PDSS2: variants seen among roughly 807,000 people sequenced by gnomAD.
PDSS2 encodes the protein decaprenyl diphosphate synthase subunit 2, also known as all trans-polyprenyl-diphosphate synthase PDSS2.
Under a neutral mutation model 44.5 loss-of-function variants are expected in PDSS2, and 31 were observed. The observed-to-expected ratio is 0.70, with a 90% CI of 0.52 to 0.94. The LOEUF (loss-of-function observed/expected upper bound fraction) is 0.94, where lower values mean the gene tolerates loss of function less well. PDSS2 is among the 40% of genes least tolerant of loss of function. The probability of loss-of-function intolerance (pLI) is 0.00; values close to 1 mark genes in which losing one functional copy is unlikely to be tolerated. For synonymous variants in PDSS2, 157 were observed against 180.3 expected, an observed-to-expected ratio of 0.87 and a Z score of 1.03; for missense variants, 452 against 482.2, an observed-to-expected ratio of 0.94 and a Z score of 0.59.
chr6:107,267,010 T>C (rs1775431284), intron 3 of PDSS2, among the ~76,000 whole-genome samples: 1 of 152,248 alleles, frequency 6.6e-6, no homozygotes, highest in African/African-American at 2.4e-5. Context: ...AAACAAGTGA[T>C]TATTTGTTTG....
intron 1 of PDSS2, among the ~76,000 whole-genome samples, chr6:107,343,094 G>C (rs73762208): frequency 0.011 from 1,721 of 152,286 alleles, 30 homozygotes; most frequent in African/African-American, 0.037. Context: ...GGGAAAGTGA[G>C]CCACCACACC....
chr6:107,390,330 G>C (rs1369276653), intron 1 of PDSS2, among the ~76,000 whole-genome samples: 3 of 152,014 alleles, frequency 2.0e-5, no homozygotes, highest in African/African-American at 7.2e-5. Flanking sequence ...TATGTGAAAA[G>C]AAGGGCAATT....
intron 4 of PDSS2, among the ~76,000 whole-genome samples, chr6:107,226,016 A>C (rs1490409471): frequency 6.6e-6 from 1 of 152,152 alleles, no homozygotes; most frequent in Non-Finnish European, 1.5e-5. Context: ...CGCACAAAGA[A>C]ATATAATTAT....
chr6:107,282,454 G>A lies in PDSS2; in HGVS notation c.432-8227C>T, dbSNP rs144988840. Among the ~76,000 whole-genome samples, 408 of 152,080 alleles carry A rather than the reference G, an allele frequency of 2.7e-3. 2 individuals carry two copies. Among genetic ancestry groups the A allele is most frequent in the African/African-American group, 8.7e-3 (359 of 41,492 alleles). On this transcript the variant is annotated intron_variant, in intron 2 of 7. Coordinates refer to ENST00000369037, the MANE Select transcript of PDSS2 (RefSeq NM_020381.4). The stretch of plus-strand genomic sequence containing the variant: ...GTAGCCCAGGCTGGAGTACAGTGGC[G>A]TGACCATGGCTCACTGTAACCTCAA...
intron 1 of PDSS2, among the ~76,000 whole-genome samples, chr6:107,372,270 G>C (rs1779148527): frequency 6.6e-6 from 1 of 151,308 alleles, no homozygotes; most frequent in Non-Finnish European, 1.5e-5. Flanking sequence ...TCTCACTGTT[G>C]TACACCGGTA....
intron 1 of PDSS2, among the ~76,000 whole-genome samples, chr6:107,344,296 A>G (rs1778171598): frequency 6.6e-6 from 1 of 152,226 alleles, no homozygotes; most frequent in Non-Finnish European, 1.5e-5. Context: ...GTAATTTTAG[A>G]GAGACTAAAA....
intron 1 of PDSS2, among the ~76,000 whole-genome samples, chr6:107,416,287 T>C (rs1178499422): frequency 6.6e-6 from 1 of 151,858 alleles, no homozygotes; most frequent in Non-Finnish European, 1.5e-5. Context: ...CCAGAGAAGA[T>C]GGGAAACAAA....
chr6:107,240,759 G>T (rs1421650832), intron 4 of PDSS2, among the ~76,000 whole-genome samples: 1 of 151,850 alleles, frequency 6.6e-6, no homozygotes, highest in Non-Finnish European at 1.5e-5. Flanking sequence ...TATTTCAAAT[G>T]CTTCTTTCTT....
At chr6:107,182,893 A>T (rs1360424614) in intron 7 of PDSS2, among the ~76,000 whole-genome samples, 1 of 152,148 alleles carries the variant, frequency 6.6e-6, no homozygotes, top group Non-Finnish European at 1.5e-5. Context: ...GGTTTTAAGG[A>T]AATGAGGAGT....
chr6:107,185,353 C>G (rs1772132239), intron 7 of PDSS2, among the ~76,000 whole-genome samples: 1 of 152,072 alleles, frequency 6.6e-6, no homozygotes, highest in African/African-American at 2.4e-5. Flanking sequence ...TTTTGACCAA[C>G]TGATGGTTAT....
intron 1 of PDSS2, among the ~76,000 whole-genome samples, chr6:107,445,948 CTGTT>C (rs1781660628): frequency 6.6e-6 from 1 of 152,196 alleles, no homozygotes; most frequent in Non-Finnish European, 1.5e-5. Context: ...CTCTGTCTGT[CTGTT>C]TCTCTCTCTC....
intron 1 of PDSS2, 130 bp downstream of exon 1, chr6:107,458,860 G>C: frequency 1.3e-6 from 1 of 772,888 alleles, no homozygotes; most frequent in Non-Finnish European, 2.2e-6. Context: ...TCTAGGAGGA[G>C]TGAGTAAAAA....
At chr6:107,328,947 G>C (rs1421764386) in intron 2 of PDSS2, among the ~76,000 whole-genome samples, 3 of 152,210 alleles carry the variant, frequency 2.0e-5, no homozygotes, top group Admixed American at 6.5e-5. Flanking sequence ...AGTGGGTTCA[G>C]GTCTGGCTCA....
chr6:107,439,471 A>T (rs79662936), intron 1 of PDSS2, among the ~76,000 whole-genome samples: 6,170 of 152,310 alleles, frequency 0.041, 173 homozygotes, highest in Middle Eastern at 0.16. Flanking sequence ...TTCCTGCTAC[A>T]TGCCACCTCT....
At chr6:107,342,692 G>C (rs966746246) in intron 1 of PDSS2, among the ~76,000 whole-genome samples, 2 of 152,176 alleles carry the variant, frequency 1.3e-5, no homozygotes, top group Non-Finnish European at 2.9e-5. Flanking sequence ...TCCAGACAGA[G>C]AGTTGAGGTG....
At chr6:107,294,686 G>T (rs944693417) in intron 2 of PDSS2, among the ~76,000 whole-genome samples, 1 of 152,062 alleles carries the variant, frequency 6.6e-6, no homozygotes, top group Non-Finnish European at 1.5e-5. Flanking sequence ...TCTTCACCAA[G>T]TATAGTTATT....
At chr6:107,264,386 C>T in intron 3 of PDSS2, 1 of 1,545,128 alleles carries the variant, frequency 6.5e-7, no homozygotes, top group Non-Finnish European at 8.7e-7. Flanking sequence ...GTATAAATCA[C>T]TAATGCTTAA....
intron 2 of PDSS2, among the ~76,000 whole-genome samples, chr6:107,304,045 C>G (rs907926114): frequency 2.6e-5 from 4 of 152,330 alleles, no homozygotes; most frequent in Admixed American, 2.6e-4. Context: ...GACATCAGCC[C>G]AGACTTAGCC....
At chr6:107,165,362 C>T (rs547927981) in intron 7 of PDSS2, among the ~76,000 whole-genome samples, 1 of 152,306 alleles carries the variant, frequency 6.6e-6, no homozygotes, top group Admixed American at 6.5e-5. Context: ...GGAAGGGATC[C>T]AGTTTCAGCT....
Sources: gnomAD v4.1 joint callset for allele counts (sites outside exome capture counted in the v4.1 genomes callset) on GRCh38, gnomAD v4.1.1 for gene constraint, MANE v1.5 for transcripts, NCBI Gene and HGNC (gene_info 2026-07-23, HGNC 2026-07-21) for gene names.